The following ZNF619 variants were observed in gnomAD, a reference collection of about 807,000 sequenced individuals.
ZNF619 encodes zinc finger protein 619.
In ZNF619, 9 loss-of-function variants were observed where a neutral mutation model predicts 14.2. That is an observed-to-expected ratio of 0.64 (90% CI 0.38 to 1.11). The LOEUF (loss-of-function observed/expected upper bound fraction) is 1.11. Among genes scored for constraint, ZNF619 ranks in the 50% least tolerant of loss-of-function variants. ZNF619 has a pLI of 0.01. For missense variants in ZNF619, 659 were observed against 680.1 expected (o/e 0.97, Z 0.34); for synonymous variants, 246 against 252.8 (o/e 0.97, Z 0.26).
Position 40,487,587 on chromosome 3 carries a change from G to C in ZNF619, c.1077G>C (p.Leu359=), listed in dbSNP as rs763298982. The C allele has an allele frequency of 1.9e-6, 3 of 1,614,136 alleles. No homozygotes were observed. Among genetic ancestry groups the C allele is most frequent in the Non-Finnish European group, 2.5e-6 (3 of 1,180,034 alleles). Residue 359 remains leucine (L), a synonymous_variant, in exon 5 of 5, where the codon CTG becomes CTC. Coordinates refer to ENST00000432264, the MANE Select transcript of ZNF619 (RefSeq NM_001145093.4). The part of the protein sequence containing the change: ...CGKSLSSNSV[L]IQHQRIHTGE... ...AGAGTTTGAGTTCTAATTCAGTTCT[G>C]ATTCAGCATCAGAGAATCCACACTG...
In ZNF619 at chr3:40,487,939, T is replaced by G. The variant is rs769004535; in HGVS notation, c.1429T>G (p.Trp477Gly). The G allele has an allele frequency of 6.2e-7, 1 of 1,614,170 alleles. No homozygotes were observed. The highest frequency in any genetic ancestry group is 1.7e-5 in the Admixed American group (1 of 60,022). Residue 477 changes from tryptophan to glycine, a missense_variant, in exon 5 of 5, where the codon TGG becomes GGG. Transcript: ENST00000432264. ...TGCAAGTTTCATCCAGCATCAGAAG[T>G]GGCATACTAGGAAGAAACTCATCAA... is the stretch of plus-strand genomic sequence containing the variant. ...WNASFIQHQK[W>G]HTRKKLINGT...
At chr3:40,483,273 T>C (rs1428023183) in intron 4 of ZNF619, among the ~76,000 whole-genome samples, 1 of 151,554 alleles carries the variant, frequency 6.6e-6, no homozygotes, top group Non-Finnish European at 1.5e-5. Context: ...AAACACAATA[T>C]AGTAAGAACT....
At position 40,487,060 on chromosome 3, in the gene ZNF619, G is replaced by T; in HGVS notation, c.550G>T (p.Glu184Ter). ...EREEIARKLE[E>*]SSVSTHLITK... ...GGAGGAGATAGCCAGGAAATTGGAA[G>T]AAAGTAGTGTCAGCACACATCTCAT... The change falls in exon 5 of 5, where the codon GAA becomes TAA. Residue 184 changes from glutamate (E) to a stop codon, truncating the protein, a stop_gained. Coordinates refer to ENST00000432264, the MANE Select transcript of ZNF619 (RefSeq NM_001145093.4). LOFTEE classifies it low-confidence loss of function (END_TRUNC). The T allele has an allele frequency of 1.9e-6, 3 of 1,614,172 alleles. No individual in the cohort carries two copies. Among genetic ancestry groups the T allele is most frequent in the Non-Finnish European group, 2.5e-6 (3 of 1,180,048 alleles).
chr3:40,482,129 G>A (rs1697420786), intron 3 of ZNF619, 113 bp downstream of exon 3: 2 of 1,550,102 alleles, frequency 1.3e-6, no homozygotes, highest in Non-Finnish European at 1.7e-6. Flanking sequence ...CCTATGGGCT[G>A]AGCTCCCTAA....
rs1207057483 is a variant in ZNF619, at chr3:40,489,216, G to T, written c.*975G>T. 1 of 149,882 alleles carries T rather than the reference G, an allele frequency of 6.7e-6. No homozygotes were observed. The highest frequency in any genetic ancestry group is 6.6e-5 in the Admixed American group (1 of 15,090). 9.3% of individuals were successfully genotyped at this position (149,882 alleles called of 1,614,324 possible). On this transcript the variant is annotated 3_prime_UTR_variant, in exon 5 of 5. Transcript: ENST00000432264. ...CATTTTCCTTTTTTTTTTGAGACAG[G>T]TTCTTGTTCTGTCATCCAGGCTGGA...
intron 4 of ZNF619, among the ~76,000 whole-genome samples, chr3:40,486,117 C>T (rs1361060026): frequency 6.6e-6 from 1 of 152,170 alleles, no homozygotes; most frequent in Non-Finnish European, 1.5e-5. Flanking sequence ...CCTCCCAGCC[C>T]TCTGGATACT....
chr3:40,479,124 T>G (rs1457243600), intron 2 of ZNF619, among the ~76,000 whole-genome samples: 1 of 152,206 alleles, frequency 6.6e-6, no homozygotes, highest in East Asian at 1.9e-4. Context: ...GTGTCTCACC[T>G]GCTCTAGGCC....
At position 40,487,172 on chromosome 3, in the gene ZNF619, T is replaced by C; in HGVS notation, c.662T>C (p.Leu221Pro). 1 of 1,614,208 alleles carries C rather than the reference T, an allele frequency of 6.2e-7. No individual in the cohort carries two copies. The highest frequency in any genetic ancestry group is 8.5e-7 in the Non-Finnish European group (1 of 1,180,048). The stretch of plus-strand genomic sequence containing the variant: ...TACAACCCACATTCAGACTTTCACC[T>C]GCATCAGAGAGTTCACACTAATGAG... ...SYYNPHSDFH[L>P]HQRVHTNEKP... is the part of the protein sequence containing the mutation. The change falls in exon 5 of 5, where the codon CTG (leucine) becomes CCG (proline). Residue 221 changes from leucine to proline, a missense_variant. Transcript: ENST00000432264.
intron 4 of ZNF619, among the ~76,000 whole-genome samples, chr3:40,484,824 T>C (rs1697527616): frequency 6.6e-6 from 1 of 152,254 alleles, no homozygotes; most frequent in Non-Finnish European, 1.5e-5. Context: ...CTGTTTTTTG[T>C]AGTTTATAGA....
Position 40,487,693 on chromosome 3 carries a change from A to C in ZNF619, c.1183A>C (p.Thr395Pro). 6.2e-7 allele frequency: 1 copy of C among 1,614,128 alleles called. No individual in the cohort carries two copies. The change falls in exon 5 of 5, where the codon ACT (threonine) becomes CCT (proline). Residue 395 changes from threonine (T) to proline (P), a missense_variant. Thr to Pro is a conservative substitution (Grantham distance 38). Coordinates refer to ENST00000432264, the MANE Select transcript of ZNF619 (RefSeq NM_001145093.4). ...ATTTCTTCAGCACCAGAGGTTCCAC[A>C]CTGGGGAACAACTCTACAAATGTAA... ...SVFLQHQRFH[T>P]GEQLYKCNEC...
At chr3:40,485,248 T>C (rs1263309873) in intron 4 of ZNF619, among the ~76,000 whole-genome samples, 1 of 152,134 alleles carries the variant, frequency 6.6e-6, no homozygotes, top group Non-Finnish European at 1.5e-5. Flanking sequence ...TAGACTACAT[T>C]GTATTAGGTG....
Position 40,487,888 on chromosome 3 carries a change from G to C in ZNF619, c.1378G>C (p.Glu460Gln). The change falls in exon 5 of 5, where the codon GAG (glutamate) becomes CAG (glutamine). Residue 460 changes from glutamate to glutamine, a missense_variant. Transcript: ENST00000432264. ...HTGEKPYECK[E>Q]CGKAFRWNAS... ...TGGGGAGAAACCTTATGAGTGTAAG[G>C]AGTGCGGGAAAGCCTTCAGATGGAA... 1 of 1,614,208 alleles carries C rather than the reference G, an allele frequency of 6.2e-7. No homozygotes were observed. The highest frequency in any genetic ancestry group is 8.5e-7 in the Non-Finnish European group (1 of 1,180,042).
intron 2 of ZNF619, among the ~76,000 whole-genome samples, chr3:40,480,190 TA>T (rs1237342924): frequency 6.6e-6 from 1 of 152,162 alleles, no homozygotes; most frequent in Non-Finnish European, 1.5e-5. Flanking sequence ...CTGAAGGAAG[TA>T]AGAGAAGAGT....
chr3:40,480,743 G>A (rs186558361), intron 2 of ZNF619, among the ~76,000 whole-genome samples: 1 of 152,124 alleles, frequency 6.6e-6, no homozygotes, highest in Non-Finnish European at 1.5e-5. Context: ...CTCGCGATCT[G>A]CCCGCCTCGG....
In ZNF619 at chr3:40,482,588, C is replaced by A; in HGVS notation, c.179C>A (p.Ser60Ter). The change falls in exon 4 of 5, where the codon TCA becomes TAA. Residue 60 changes from serine to a stop codon, truncating the protein, a stop_gained and splice_region_variant. Transcript: ENST00000432264. LOFTEE classifies it high-confidence loss of function. Reference sequence around the variant, plus strand: ...CATGTTCCTTTTCTTTCTCCTGTAGCAGCATTTCCATTCCCCAAACCAGAT... The same window carrying A: ...CATGTTCCTTTTCTTTCTCCTGTAGAAGCATTTCCATTCCCCAAACCAGAT... ...LENYANVTSL[S>*]AFPFPKPDLI... 6.2e-7 allele frequency: 1 copy of A among 1,613,966 alleles called. No individual in the cohort carries two copies. Among genetic ancestry groups the A allele is most frequent in the South Asian group, 1.1e-5 (1 of 91,082 alleles).
intron 2 of ZNF619, among the ~76,000 whole-genome samples, chr3:40,479,548 A>G (rs1446062319): frequency 6.6e-6 from 1 of 152,236 alleles, no homozygotes; most frequent in Admixed American, 6.5e-5. Flanking sequence ...CCTTTCAGAT[A>G]ATTACTATTG....
In ZNF619 at chr3:40,486,849, A is replaced by C. The variant is rs768967426; in HGVS notation, c.339A>C (p.Leu113=). ...AGAATGAGGAAAAAACTGCACAGCT[A>C]AACATTTCTAAAGAATCAGAGTCCC... ...KTENEEKTAQ[L]NISKESESHR... Residue 113 remains leucine, a synonymous_variant, in exon 5 of 5, where the codon CTA becomes CTC. Coordinates refer to ENST00000432264, the MANE Select transcript of ZNF619 (RefSeq NM_001145093.4). 1.2e-6 allele frequency: 2 copies of C among 1,611,138 alleles called. No individual in the cohort carries two copies. The highest frequency in any genetic ancestry group is 1.7e-6 in the Non-Finnish European group (2 of 1,179,190).
At position 40,489,671 on chromosome 3, in the gene ZNF619, G is replaced by A. The variant is rs1244774294; in HGVS notation, c.*1430G>A. The A allele has an allele frequency of 3.3e-5, 5 of 152,096 alleles. No homozygotes were observed. The highest frequency in any genetic ancestry group is 3.3e-4 in the Admixed American group (5 of 15,276). 9.4% of individuals were successfully genotyped at this position (152,096 alleles called of 1,614,324 possible). On this transcript the variant is annotated 3_prime_UTR_variant, in exon 5 of 5. Transcript: ENST00000432264. ...TATAGTAATCTCTAAAGCTGTACATGGATGGAACTTGTTGGCATCACACTG... is the reference window on the plus strand; with the variant it reads ...TATAGTAATCTCTAAAGCTGTACATAGATGGAACTTGTTGGCATCACACTG...
Position 40,490,730 on chromosome 3 carries a change from A to T in ZNF619, c.*2489A>T, listed in dbSNP as rs1490008291. Reference sequence around the variant, plus strand: ...ATATTTTCTCTAGCTTTATTATAAGAATATAGTGTCTAATATGTATAACAT... The same window carrying T: ...ATATTTTCTCTAGCTTTATTATAAGTATATAGTGTCTAATATGTATAACAT... On this transcript the variant is annotated 3_prime_UTR_variant, in exon 5 of 5. Transcript: ENST00000432264. Among the ~76,000 whole-genome samples, 1 of 152,196 alleles carries T rather than the reference A, an allele frequency of 6.6e-6. No individual in the cohort carries two copies. The highest frequency in any genetic ancestry group is 1.5e-5 in the Non-Finnish European group (1 of 68,038).
Sources: allele counts gnomAD v4.1 joint callset (sites outside exome capture counted in the v4.1 genomes callset), GRCh38; gene constraint gnomAD v4.1.1; transcripts MANE v1.5; gene names NCBI Gene and HGNC (gene_info 2026-07-23, HGNC 2026-07-21).